GLIS3: variants seen among roughly 807,000 people sequenced by gnomAD.
GLIS3 encodes the protein GLIS family zinc finger 3.
In GLIS3, 53 loss-of-function variants were observed where a neutral mutation model predicts 78.6. That is an observed-to-expected ratio of 0.67 (90% CI 0.54 to 0.85). The LOEUF (loss-of-function observed/expected upper bound fraction) is 0.85, where lower values mean the gene tolerates loss of function less well. Ranked by LOEUF, GLIS3 falls within the 40% of genes least tolerant of loss-of-function variation. The probability of loss-of-function intolerance (pLI) is 0.00; values close to 1 mark genes in which losing one functional copy is unlikely to be tolerated. For synonymous variants in GLIS3, 684 were observed against 509.9 expected, an observed-to-expected ratio of 1.34 and a Z score of -4.60; for missense variants, 1,703 against 1,231.1, an observed-to-expected ratio of 1.38 and a Z score of -5.74.
At chr9:4,384,345 A>G in the GLIS3 span, among the ~76,000 whole-genome samples, 1 of 151,850 alleles carries the variant, frequency 6.6e-6, no homozygotes, top group African/African-American at 2.4e-5. Context: ...TTCACTGGAA[A>G]AAAAAAAACT....
intron 4 of GLIS3, among the ~76,000 whole-genome samples, chr9:4,088,615 T>A (rs544136892): frequency 6.6e-6 from 1 of 152,352 alleles, no homozygotes; most frequent in South Asian, 2.1e-4. Context: ...GGAATTCACT[T>A]CAATAAATAT....
chr9:4,267,710 G>A (rs1010266904), intron 2 of GLIS3, among the ~76,000 whole-genome samples: 1 of 152,090 alleles, frequency 6.6e-6, no homozygotes, highest in Admixed American at 6.6e-5. Flanking sequence ...ACAACGATAA[G>A]AAGAAAGGAA....
intron 2 of GLIS3, among the ~76,000 whole-genome samples, chr9:4,193,867 C>T (rs1401676718): frequency 6.6e-6 from 1 of 152,176 alleles, no homozygotes; most frequent in Admixed American, 6.5e-5. Flanking sequence ...TTTTCATGTG[C>T]CAAATATGGA....
intron 4 of GLIS3, among the ~76,000 whole-genome samples, chr9:4,093,754 T>C (rs1042818390): frequency 5.3e-5 from 8 of 152,194 alleles, no homozygotes; most frequent in Admixed American, 1.3e-4. Context: ...TGCAGTTATG[T>C]GTGCTGGATT....
chr9:4,438,702 G>A, the GLIS3 span, among the ~76,000 whole-genome samples: 1 of 152,178 alleles, frequency 6.6e-6, no homozygotes, highest in Non-Finnish European at 1.5e-5. Context: ...CTGTTCTCAT[G>A]GTAGTGAATA....
At chr9:4,106,079 C>A (rs1425256906) in intron 4 of GLIS3, among the ~76,000 whole-genome samples, 1 of 152,128 alleles carries the variant, frequency 6.6e-6, no homozygotes, top group Non-Finnish European at 1.5e-5. Flanking sequence ...CATTGTCACA[C>A]CTTTATAACA....
chr9:3,860,569 C>T (rs886600830), intron 8 of GLIS3, among the ~76,000 whole-genome samples: 1 of 152,078 alleles, frequency 6.6e-6, no homozygotes, highest in Non-Finnish European at 1.5e-5. Flanking sequence ...ACACTGAGAA[C>T]TGCTTAGGTT....
At chr9:3,876,752 G>A (rs1297484886) in intron 8 of GLIS3, among the ~76,000 whole-genome samples, 1 of 147,500 alleles carries the variant, frequency 6.8e-6, no homozygotes, top group African/African-American at 2.5e-5. Context: ...ATGAGTGCCA[G>A]GTACATGCAT....
intron 2 of GLIS3, among the ~76,000 whole-genome samples, chr9:4,236,147 C>A (rs1347169768): frequency 1.5e-5 from 2 of 133,646 alleles, no homozygotes; most frequent in African/African-American, 5.8e-5. Context: ...GAGTAGTGCT[C>A]CCTGGCCACA....
At chr9:4,018,043 G>A (rs2130112504) in intron 4 of GLIS3, among the ~76,000 whole-genome samples, 1 of 152,298 alleles carries the variant, frequency 6.6e-6, no homozygotes, top group East Asian at 1.9e-4. Flanking sequence ...ACATCTCAGT[G>A]CTGTGATAAT....
At chr9:4,110,210 C>G (rs1346020361) in intron 4 of GLIS3, among the ~76,000 whole-genome samples, 1 of 152,068 alleles carries the variant, frequency 6.6e-6, no homozygotes, top group African/African-American at 2.4e-5. Context: ...CTAATTTTTT[C>G]CAGGACAATC....
intron 1 of GLIS3, among the ~76,000 whole-genome samples, chr9:4,295,316 G>A (rs1816382756): frequency 6.6e-6 from 1 of 152,144 alleles, no homozygotes; most frequent in Non-Finnish European, 1.5e-5. Flanking sequence ...TTTCACTTGT[G>A]TCTGTTTGGT....
chr9:4,068,481 C>G (rs922288564), intron 4 of GLIS3, among the ~76,000 whole-genome samples: 1 of 152,094 alleles, frequency 6.6e-6, no homozygotes, highest in Non-Finnish European at 1.5e-5. Context: ...AGAAAAAAGG[C>G]TAATGATGTT....
intron 4 of GLIS3, among the ~76,000 whole-genome samples, chr9:4,042,861 A>G (rs1588520455): frequency 6.6e-6 from 1 of 151,760 alleles, no homozygotes; most frequent in African/African-American, 2.4e-5. Context: ...AATTATATTG[A>G]GTTTGAGTAA....
At chr9:4,192,052 T>C (rs1818379285) in intron 2 of GLIS3, among the ~76,000 whole-genome samples, 1 of 152,126 alleles carries the variant, frequency 6.6e-6, no homozygotes, top group African/African-American at 2.4e-5. Flanking sequence ...TCCAATGATC[T>C]CAAAAGGAGT....
chr9:3,868,414 A>C (rs1370228534), intron 8 of GLIS3, among the ~76,000 whole-genome samples: 1 of 149,006 alleles, frequency 6.7e-6, no homozygotes, highest in Non-Finnish European at 1.5e-5. Flanking sequence ...CTGGTAGTTC[A>C]TGACTACATA....
intron 2 of GLIS3, among the ~76,000 whole-genome samples, chr9:4,319,983 TTGTGTGTGTGTGTGTGTGTG>T (rs58794068): frequency 0.073 from 10,527 of 145,126 alleles, 505 homozygotes; most frequent in Middle Eastern, 0.11. Flanking sequence ...GTAGAGGGGG[TTGTGTGTGTGTGTGTGTGTG>T]TGTGTGTGTG....
the GLIS3 span, among the ~76,000 whole-genome samples, chr9:4,427,071 G>T: frequency 6.6e-6 from 1 of 152,176 alleles, no homozygotes; most frequent in Non-Finnish European, 1.5e-5. Flanking sequence ...TATGATATGT[G>T]AATGAAAGTG....
chr9:4,023,741 T>G (rs1563958472), intron 4 of GLIS3, among the ~76,000 whole-genome samples: 1 of 152,214 alleles, frequency 6.6e-6, no homozygotes, highest in Non-Finnish European at 1.5e-5. Flanking sequence ...GCTCTAGGTT[T>G]GCTCCCATCT....
Sources: gnomAD v4.1 joint callset for allele counts (sites outside exome capture counted in the v4.1 genomes callset) on GRCh38, gnomAD v4.1.1 for gene constraint, MANE v1.5 for transcripts, NCBI Gene and HGNC (gene_info 2026-07-23, HGNC 2026-07-21) for gene names.